The following PIK3C2G variants were observed in gnomAD, a reference collection of about 807,000 sequenced individuals.
The protein encoded by PIK3C2G is phosphatidylinositol-4-phosphate 3-kinase catalytic subunit type 2 gamma.
In PIK3C2G, 168 loss-of-function variants were observed where a neutral mutation model predicts 181.1. The observed-to-expected ratio is 0.93, with a 90% CI of 0.82 to 1.05. PIK3C2G has a LOEUF of 1.05. Among genes scored for constraint, PIK3C2G ranks in the 50% least tolerant of loss-of-function variants. The probability of loss-of-function intolerance (pLI) is 0.00; values close to 1 mark genes in which losing one functional copy is unlikely to be tolerated. For synonymous variants in PIK3C2G, 573 were observed against 592.2 expected (o/e 0.97, Z 0.47); for missense variants, 1,869 against 1,732.8 (o/e 1.08, Z -1.40).
intron 32 of PIK3C2G, among the ~76,000 whole-genome samples, chr12:18,647,078 G>C (rs1391639798): frequency 1.3e-5 from 2 of 148,208 alleles, no homozygotes; most frequent in Admixed American, 1.3e-4. Flanking sequence ...TTCCTTTTTG[G>C]TATTTTTTTT....
At chr12:18,659,979 T>G in the PIK3C2G span, among the ~76,000 whole-genome samples, 1 of 152,076 alleles carries the variant, frequency 6.6e-6, no homozygotes, top group South Asian at 2.1e-4. Flanking sequence ...TAAAGATAAG[T>G]AAATGTAAAA....
intron 24 of PIK3C2G, among the ~76,000 whole-genome samples, chr12:18,526,437 A>G (rs1943238920): frequency 6.6e-6 from 1 of 152,200 alleles, no homozygotes; most frequent in South Asian, 2.1e-4. Context: ...TTTTAAGGAT[A>G]TCTTTGTAGC....
At chr12:18,586,766 A>G (rs573620191) in intron 29 of PIK3C2G, among the ~76,000 whole-genome samples, 3 of 152,166 alleles carry the variant, frequency 2.0e-5, no homozygotes, top group African/African-American at 7.2e-5. Context: ...ACAACAAATA[A>G]AGAAAACTTC....
the PIK3C2G span, among the ~76,000 whole-genome samples, chr12:18,709,128 T>C: frequency 6.6e-6 from 1 of 152,128 alleles, no homozygotes; most frequent in East Asian, 1.9e-4. Context: ...TGTTCCCTTT[T>C]AGGGTTTTCA....
chr12:18,343,814 G>C (rs1043605780), intron 10 of PIK3C2G, among the ~76,000 whole-genome samples: 2 of 152,054 alleles, frequency 1.3e-5, no homozygotes, highest in Non-Finnish European at 2.9e-5. Context: ...TAACAGGTAG[G>C]AGGATTTGGT....
chr12:18,530,339 A>G (rs1178933595), intron 24 of PIK3C2G, among the ~76,000 whole-genome samples: 1 of 152,118 alleles, frequency 6.6e-6, no homozygotes, highest in Non-Finnish European at 1.5e-5. Flanking sequence ...TGAACATTGT[A>G]CTATCAATAA....
chr12:18,446,360 T>C (rs1307666973), intron 18 of PIK3C2G, among the ~76,000 whole-genome samples: 1 of 152,050 alleles, frequency 6.6e-6, no homozygotes, highest in Non-Finnish European at 1.5e-5. Flanking sequence ...CAGCAGGAGA[T>C]TACAGGGAAA....
the PIK3C2G span, among the ~76,000 whole-genome samples, chr12:18,667,968 A>T: frequency 7.2e-5 from 11 of 152,100 alleles, no homozygotes; most frequent in African/African-American, 2.7e-4. Flanking sequence ...AGGAGAAGCA[A>T]CAACAACAAA....
chr12:18,272,122 G>A (rs1948769481), intron 1 of PIK3C2G, among the ~76,000 whole-genome samples: 1 of 151,852 alleles, frequency 6.6e-6, no homozygotes, highest in Admixed American at 6.6e-5. Context: ...AAATTGCATG[G>A]CTTTATTTTC....
At chr12:18,268,417 A>G (rs1948601273) in intron 1 of PIK3C2G, among the ~76,000 whole-genome samples, 1 of 152,104 alleles carries the variant, frequency 6.6e-6, no homozygotes, top group Non-Finnish European at 1.5e-5. Flanking sequence ...TTCTAAGATT[A>G]GAGATATCAT....
chr12:18,579,129 TCTTGATTAAGAG>T (rs1946369557), intron 29 of PIK3C2G, among the ~76,000 whole-genome samples: 1 of 152,108 alleles, frequency 6.6e-6, no homozygotes, highest in Non-Finnish European at 1.5e-5. Context: ...TGTGTAACAC[TCTTGATTAAGAG>T]CTTTAAGTTG....
At chr12:18,549,280 G>A (rs1238049601) in intron 26 of PIK3C2G, among the ~76,000 whole-genome samples, 1 of 151,864 alleles carries the variant, frequency 6.6e-6, no homozygotes, top group African/African-American at 2.4e-5. Context: ...AGTAAAGCAG[G>A]GAATGTATTC....
At position 18,519,300 on chromosome 12, in the gene PIK3C2G, CGTT is replaced by C. The variant is rs1030593840; in HGVS notation, c.3323+13842_3323+13844del. Among the ~76,000 whole-genome samples the C allele has an allele frequency of 4.4e-4, 66 of 151,624 alleles. 1 individual carries two copies. Among genetic ancestry groups the C allele is most frequent in the Admixed American group, 2.0e-3 (30 of 15,216 alleles). The stretch of plus-strand genomic sequence containing the variant: ...TAATATCCTTGTTAATTTTCTGTCT[CGTT>C]GTATTGACAGTGGGATGTTAAAGTA... On this transcript the variant is annotated intron_variant, in intron 24 of 32. Transcript: ENST00000538779.
intron 24 of PIK3C2G, among the ~76,000 whole-genome samples, chr12:18,506,280 G>A (rs1041958649): frequency 2.0e-5 from 3 of 152,174 alleles, no homozygotes; most frequent in Admixed American, 2.0e-4. Flanking sequence ...GCAGTAGGAG[G>A]TAAGGGTGAA....
intron 18 of PIK3C2G, among the ~76,000 whole-genome samples, chr12:18,426,251 G>A (rs1049914366): frequency 6.6e-6 from 1 of 151,974 alleles, no homozygotes; most frequent in African/African-American, 2.4e-5. Flanking sequence ...TTATACACTT[G>A]ACTATCTAAC....
intron 18 of PIK3C2G, among the ~76,000 whole-genome samples, chr12:18,475,908 GATTT>G (rs1214613928): frequency 7.2e-5 from 11 of 152,106 alleles, no homozygotes; most frequent in Admixed American, 5.9e-4. Context: ...AGGAAGATGG[GATTT>G]ATTTATTTAG....
intron 29 of PIK3C2G, among the ~76,000 whole-genome samples, chr12:18,583,988 C>T (rs1191339273): frequency 6.6e-6 from 1 of 151,768 alleles, no homozygotes; most frequent in African/African-American, 2.4e-5. Flanking sequence ...CAGGAGCTGA[C>T]AGATAAAATA....
chr12:18,260,533 G>A (rs1591765021), upstream of PIK3C2G, among the ~76,000 whole-genome samples: 2 of 152,112 alleles, frequency 1.3e-5, no homozygotes, highest in South Asian at 2.1e-4. Context: ...TCAGGGGATG[G>A]TGTTGTACAA....
intron 1 of PIK3C2G, among the ~76,000 whole-genome samples, chr12:18,277,025 C>A (rs570462965): frequency 1.3e-5 from 2 of 152,052 alleles, no homozygotes; most frequent in African/African-American, 4.8e-5. Flanking sequence ...TCCCCAAGCA[C>A]CTCTTGTCTT....
Sources: allele counts gnomAD v4.1 joint callset (sites outside exome capture counted in the v4.1 genomes callset), GRCh38; gene constraint gnomAD v4.1.1; transcripts MANE v1.5; gene names NCBI Gene and HGNC (gene_info 2026-07-23, HGNC 2026-07-21).